The following RBM47 variants were observed in gnomAD, a reference collection of about 807,000 sequenced individuals.
RBM47 encodes RNA binding motif protein 47.
In RBM47, 21 loss-of-function variants were observed where a neutral mutation model predicts 47.1. That is an observed-to-expected ratio of 0.45 (90% CI 0.32 to 0.64). The LOEUF (loss-of-function observed/expected upper bound fraction) is 0.64, where lower values mean the gene tolerates loss of function less well. Among genes scored for constraint, RBM47 ranks in the 30% least tolerant of loss-of-function variants. The probability of loss-of-function intolerance (pLI) is 0.05; values close to 1 mark genes in which losing one functional copy is unlikely to be tolerated. For missense variants in RBM47, 708 were observed against 870.9 expected, an observed-to-expected ratio of 0.81 and a Z score of 2.35; for synonymous variants, 375 against 361.7, an observed-to-expected ratio of 1.04 and a Z score of -0.42.
intron 1 of RBM47, among the ~76,000 whole-genome samples, chr4:40,577,279 C>A (rs1005754105): frequency 1.6e-4 from 24 of 152,284 alleles, no homozygotes; most frequent in Middle Eastern, 3.4e-3. Flanking sequence ...ATGCCTGCAC[C>A]CACGCTTCAG....
chr4:40,515,550 T>TC (rs1212392568), intron 2 of RBM47, among the ~76,000 whole-genome samples: 2 of 152,068 alleles, frequency 1.3e-5, no homozygotes, highest in East Asian at 3.9e-4. Context: ...ACTCCTCCAA[T>TC]CCCCAAGAGA....
chr4:40,483,566 C>T (rs1391515520), intron 2 of RBM47, among the ~76,000 whole-genome samples: 1 of 152,174 alleles, frequency 6.6e-6, no homozygotes, highest in Non-Finnish European at 1.5e-5. Flanking sequence ...TGCATTGGCT[C>T]ACGCCGGTAA....
At chr4:40,499,534 C>T (rs1395792324) in intron 2 of RBM47, among the ~76,000 whole-genome samples, 3 of 152,132 alleles carry the variant, frequency 2.0e-5, no homozygotes, top group Non-Finnish European at 4.4e-5. Flanking sequence ...CTCAGCCTCC[C>T]GAGTAGCTGG....
intron 1 of RBM47, among the ~76,000 whole-genome samples, chr4:40,624,091 A>G (rs1266965461): frequency 1.3e-5 from 2 of 152,162 alleles, no homozygotes; most frequent in Non-Finnish European, 2.9e-5. Flanking sequence ...GGCTCAAGTG[A>G]TCTGCATGCC....
intron 2 of RBM47, among the ~76,000 whole-genome samples, chr4:40,505,172 A>G (rs1723922513): frequency 6.6e-6 from 1 of 152,058 alleles, no homozygotes; most frequent in African/African-American, 2.4e-5. Context: ...ACTGGGTGAC[A>G]AAGCAAGATC....
At chr4:40,608,327 T>A (rs1735947296) in intron 1 of RBM47, among the ~76,000 whole-genome samples, 1 of 152,134 alleles carries the variant, frequency 6.6e-6, no homozygotes, top group Admixed American at 6.6e-5. Flanking sequence ...GAGTGTCCTG[T>A]TCACCTACAA....
At chr4:40,516,080 C>T (rs1223362743) in intron 2 of RBM47, 1 of 151,796 alleles carries the variant, frequency 6.6e-6, no homozygotes, top group Non-Finnish European at 1.5e-5. Flanking sequence ...GCTCCTTTTG[C>T]TTTCACAACA....
chr4:40,447,087 C>G (rs1714650438), intron 3 of RBM47, among the ~76,000 whole-genome samples: 1 of 152,162 alleles, frequency 6.6e-6, no homozygotes, highest in Non-Finnish European at 1.5e-5. Flanking sequence ...AAGAGACTTG[C>G]CACATTGGAT....
At chr4:40,562,168 C>G (rs1358259529) in intron 1 of RBM47, among the ~76,000 whole-genome samples, 1 of 152,184 alleles carries the variant, frequency 6.6e-6, no homozygotes, top group East Asian at 1.9e-4. Context: ...AAGAGACCAC[C>G]TGGTCTGCTG....
At chr4:40,476,848 T>G (rs1034494401) in intron 2 of RBM47, among the ~76,000 whole-genome samples, 1 of 152,208 alleles carries the variant, frequency 6.6e-6, no homozygotes, top group East Asian at 1.9e-4. Context: ...CAAAAAAATG[T>G]GGTCCCCAGT....
chr4:40,483,897 C>G (rs531889546), intron 2 of RBM47, among the ~76,000 whole-genome samples: 28 of 152,048 alleles, frequency 1.8e-4, no homozygotes, highest in Non-Finnish European at 3.5e-4. Flanking sequence ...TTTTACTTAG[C>G]AATGATGTTA....
At chr4:40,475,700 A>G (rs1020837378) in intron 2 of RBM47, 1 of 152,270 alleles carries the variant, frequency 6.6e-6, no homozygotes, top group African/African-American at 2.4e-5. Context: ...TACCTTTCCA[A>G]TCTTGATCTG....
intron 2 of RBM47, among the ~76,000 whole-genome samples, chr4:40,497,721 C>T (rs1159750123): frequency 6.6e-6 from 1 of 150,888 alleles, no homozygotes; most frequent in Non-Finnish European, 1.5e-5. Flanking sequence ...TGCTTGCAGT[C>T]CCAGTACTTT....
intron 2 of RBM47, among the ~76,000 whole-genome samples, chr4:40,492,741 C>T (rs1008662986): frequency 6.6e-6 from 1 of 151,994 alleles, no homozygotes; most frequent in Admixed American, 6.6e-5. Context: ...AAATGCTTCC[C>T]TGGTCCCTGT....
chr4:40,595,571 C>T (rs913367255), intron 1 of RBM47, among the ~76,000 whole-genome samples: 1 of 151,970 alleles, frequency 6.6e-6, no homozygotes, highest in African/African-American at 2.4e-5. Context: ...GGAAATCACC[C>T]TATCAATTCT....
intron 2 of RBM47, among the ~76,000 whole-genome samples, chr4:40,537,010 C>A (rs1005342873): frequency 2.0e-5 from 3 of 152,138 alleles, no homozygotes; most frequent in South Asian, 2.1e-4. Flanking sequence ...AATAGGTTAT[C>A]TTGTTTGGCA....
chr4:40,605,559 G>A (rs1231379804), intron 1 of RBM47, among the ~76,000 whole-genome samples: 1 of 151,992 alleles, frequency 6.6e-6, no homozygotes, highest in Admixed American at 6.6e-5. Context: ...GGCCGGGCAC[G>A]GTGGCTCACG....
At chr4:40,508,839 T>A (rs897386152) in intron 2 of RBM47, among the ~76,000 whole-genome samples, 2 of 152,214 alleles carry the variant, frequency 1.3e-5, no homozygotes, top group African/African-American at 4.8e-5. Flanking sequence ...ACTGCCTTTA[T>A]GTTATACACT....
At chr4:40,591,970 G>C (rs1734185408) in intron 1 of RBM47, among the ~76,000 whole-genome samples, 1 of 152,136 alleles carries the variant, frequency 6.6e-6, no homozygotes, top group African/African-American at 2.4e-5. Flanking sequence ...GCCTAGGAGA[G>C]CTTCACCATG....
Sources: gnomAD v4.1 joint callset for allele counts (sites outside exome capture counted in the v4.1 genomes callset) on GRCh38, gnomAD v4.1.1 for gene constraint, MANE v1.5 for transcripts, NCBI Gene and HGNC (gene_info 2026-07-23, HGNC 2026-07-21) for gene names.